The following FSTL4 variants were observed in gnomAD, a reference collection of about 807,000 sequenced individuals.
FSTL4 encodes follistatin like 4.
FSTL4 carries 28 observed loss-of-function variants against 78.2 expected under a neutral mutation model. That is an observed-to-expected ratio of 0.36 (90% CI 0.27 to 0.49). FSTL4 has a LOEUF of 0.49. FSTL4 is among the 20% of genes least tolerant of loss of function. The probability of loss-of-function intolerance (pLI) is 0.98; values close to 1 mark genes in which losing one functional copy is unlikely to be tolerated. For synonymous variants in FSTL4, 422 were observed against 440.5 expected, an observed-to-expected ratio of 0.96 and a Z score of 0.53; for missense variants, 922 against 1,084.9, an observed-to-expected ratio of 0.85 and a Z score of 2.11.
chr5:133,312,005 C>A (rs1035358483), intron 6 of FSTL4, among the ~76,000 whole-genome samples: 1 of 152,188 alleles, frequency 6.6e-6, no homozygotes, highest in Non-Finnish European at 1.5e-5. Flanking sequence ...CCCAGCACCA[C>A]CTCTGGTTAA....
chr5:133,257,398 C>G lies in FSTL4; in HGVS notation c.728-7822G>C, dbSNP rs540837666. Among the ~76,000 whole-genome samples the G allele has an allele frequency of 2.6e-5, 4 of 152,284 alleles. No homozygotes were observed. The South Asian group carries it at 8.3e-4, about 32-fold the overall frequency. On this transcript the variant is annotated intron_variant, in intron 6 of 15. Coordinates refer to ENST00000265342, the MANE Select transcript of FSTL4 (RefSeq NM_015082.2). ...TGTCCTGCTATCGAGACATCCTAGT[C>G]TGATGTAGTATCCTCCTTGTTTGCA...
intron 3 of FSTL4, among the ~76,000 whole-genome samples, chr5:133,456,471 A>G (rs932090726): frequency 6.6e-6 from 1 of 152,192 alleles, no homozygotes; most frequent in Non-Finnish European, 1.5e-5. Context: ...TAGCTTACGC[A>G]TTAGTCCAGC....
At chr5:133,269,796 C>T (rs1049759054) in intron 6 of FSTL4, among the ~76,000 whole-genome samples, 1 of 152,238 alleles carries the variant, frequency 6.6e-6, no homozygotes, top group African/African-American at 2.4e-5. Flanking sequence ...ATCTTACATG[C>T]TGACTGCAGA....
chr5:133,727,500 G>A, the FSTL4 span, among the ~76,000 whole-genome samples: 3 of 152,214 alleles, frequency 2.0e-5, no homozygotes, highest in Non-Finnish European at 2.9e-5. Context: ...AAGGGCTGTG[G>A]TGTGAGGCTA....
chr5:133,454,230 T>G (rs948705915), intron 3 of FSTL4, among the ~76,000 whole-genome samples: 1 of 152,244 alleles, frequency 6.6e-6, no homozygotes, highest in African/African-American at 2.4e-5. Flanking sequence ...AATACTTTGT[T>G]GAAATTGGTT....
chr5:133,672,508 C>A, the FSTL4 span, among the ~76,000 whole-genome samples: 1 of 152,236 alleles, frequency 6.6e-6, no homozygotes, highest in Non-Finnish European at 1.5e-5. Flanking sequence ...AGCCCATGCT[C>A]TTATTCATGA....
intron 4 of FSTL4, among the ~76,000 whole-genome samples, chr5:133,343,004 T>C (rs189230551): frequency 2.4e-4 from 36 of 152,306 alleles, no homozygotes; most frequent in Admixed American, 2.3e-3. Context: ...ATTGTCCTAA[T>C]GACTGTGGGA....
intron 3 of FSTL4, among the ~76,000 whole-genome samples, chr5:133,486,807 T>C (rs1487707128): frequency 6.6e-6 from 1 of 152,128 alleles, no homozygotes; most frequent in Non-Finnish European, 1.5e-5. Flanking sequence ...CACACCTTCT[T>C]AGGCACAAAC....
intron 6 of FSTL4, among the ~76,000 whole-genome samples, chr5:133,277,676 C>T (rs761556475): frequency 2.3e-4 from 35 of 152,274 alleles, no homozygotes; most frequent in Admixed American, 1.1e-3. Context: ...CCTCCTAGAC[C>T]TGACTTGCCC....
intron 3 of FSTL4, among the ~76,000 whole-genome samples, chr5:133,474,609 A>G (rs543252736): frequency 6.6e-6 from 1 of 152,202 alleles, no homozygotes; most frequent in Non-Finnish European, 1.5e-5. Context: ...TTAAGCAGCT[A>G]CTTGTGAGGA....
chr5:133,834,547 G>C, the FSTL4 span, among the ~76,000 whole-genome samples: 2 of 151,768 alleles, frequency 1.3e-5, no homozygotes, highest in African/African-American at 2.4e-5. Flanking sequence ...GACATACATA[G>C]AAAAAGGACT....
chr5:133,469,525 A>G (rs1757776623), intron 3 of FSTL4, among the ~76,000 whole-genome samples: 1 of 152,180 alleles, frequency 6.6e-6, no homozygotes, highest in Non-Finnish European at 1.5e-5. Flanking sequence ...GGCAGAGGGG[A>G]TGGAACAGCT....
At chr5:133,397,255 T>A (rs1224768319) in intron 4 of FSTL4, among the ~76,000 whole-genome samples, 1 of 152,200 alleles carries the variant, frequency 6.6e-6, no homozygotes, top group Non-Finnish European at 1.5e-5. Flanking sequence ...AACAGTGAAA[T>A]CCACCCAATA....
At chr5:133,679,623 C>A in the FSTL4 span, among the ~76,000 whole-genome samples, 1 of 152,134 alleles carries the variant, frequency 6.6e-6, no homozygotes, top group Non-Finnish European at 1.5e-5. Context: ...TAGGCCTCAC[C>A]TGGGAATTCC....
chr5:133,532,133 G>A (rs1424807759), intron 3 of FSTL4, among the ~76,000 whole-genome samples: 1 of 152,226 alleles, frequency 6.6e-6, no homozygotes, highest in Non-Finnish European at 1.5e-5. Flanking sequence ...AGTCGGAGAA[G>A]GAGACATGAT....
the FSTL4 span, chr5:133,720,829 C>G: frequency 6.5e-6 from 1 of 152,992 alleles, no homozygotes; most frequent in Middle Eastern, 2.0e-3. Context: ...AATCTGAATG[C>G]TGCTTTAATG....
chr5:133,589,458 G>A (rs1206228032), intron 2 of FSTL4, among the ~76,000 whole-genome samples: 3 of 152,018 alleles, frequency 2.0e-5, no homozygotes, highest in African/African-American at 7.2e-5. Context: ...TCCCATGTGA[G>A]GGCAGTAGCT....
intron 3 of FSTL4, among the ~76,000 whole-genome samples, chr5:133,540,738 A>AAAAAAAAAAAAAAAAAAAAC (rs1759451762): frequency 6.6e-6 from 1 of 150,434 alleles, no homozygotes; most frequent in Non-Finnish European, 1.5e-5. Flanking sequence ...AAAAAAAAAA[A>AAAAAAAAAAAAAAAAAAAAC]AGAAAGAAAA....
intron 4 of FSTL4, among the ~76,000 whole-genome samples, chr5:133,398,909 TC>T (rs1295579114): frequency 1.3e-5 from 2 of 152,140 alleles, no homozygotes; most frequent in African/African-American, 4.8e-5. Flanking sequence ...TGTGAAAACC[TC>T]AATGAGTCAG....
Sources: allele counts gnomAD v4.1 joint callset (sites outside exome capture counted in the v4.1 genomes callset), GRCh38; gene constraint gnomAD v4.1.1; transcripts MANE v1.5; gene names NCBI Gene and HGNC (gene_info 2026-07-23, HGNC 2026-07-21).